SULF1: variants seen among roughly 807,000 people sequenced by gnomAD.
SULF1 encodes the protein extracellular sulfatase Sulf-1.
A neutral mutation model predicts 110.5 loss-of-function variants in SULF1; 46 were observed. The ratio of observed to expected loss-of-function variants is 0.42; its 90% CI spans 0.33 to 0.53. SULF1 has a LOEUF of 0.53. Among genes scored for constraint, SULF1 ranks in the 20% least tolerant of loss-of-function variants. SULF1 has a pLI of 0.12. For missense variants in SULF1, 941 were observed against 1,094.2 expected, an observed-to-expected ratio of 0.86 and a Z score of 1.98; for synonymous variants, 371 against 387.1, an observed-to-expected ratio of 0.96 and a Z score of 0.49.
intron 3 of SULF1, among the ~76,000 whole-genome samples, chr8:69,510,035 A>G (rs1811448947): frequency 1.3e-5 from 2 of 152,218 alleles, no homozygotes; most frequent in South Asian, 4.1e-4. Flanking sequence ...TGACTATAAA[A>G]ACATTGATTT....
chr8:69,544,082 A>T (rs1814058661), intron 3 of SULF1, among the ~76,000 whole-genome samples: 1 of 152,224 alleles, frequency 6.6e-6, no homozygotes, highest in African/African-American at 2.4e-5. Context: ...TTCGATTTAC[A>T]CATTCATGTT....
chr8:69,605,745 C>T lies in SULF1; in HGVS notation c.1377+813C>T, dbSNP rs187135613. On this transcript the variant is annotated intron_variant, in intron 13 of 22. Transcript: ENST00000402687. ...AAATCATTGCAGCTGAGAACAAAAT[C>T]AGAGGAAAGTGAAAAATACTAACAC... Among the ~76,000 whole-genome samples the T allele has an allele frequency of 2.6e-5, 4 of 152,274 alleles. No individual in the cohort carries two copies. In the East Asian group the frequency reaches 7.7e-4, roughly 29 times the overall value.
chr8:69,624,275 CT>C (rs1809831159), intron 15 of SULF1, 78 bp downstream of exon 15: 1 of 1,504,424 alleles, frequency 6.6e-7, no homozygotes, highest in South Asian at 1.4e-5. Flanking sequence ...CCATTTTGCA[CT>C]TGGCAAAAAA....
At chr8:69,566,588 C>T (rs1053387503) in intron 5 of SULF1, among the ~76,000 whole-genome samples, 14 of 152,182 alleles carry the variant, frequency 9.2e-5, no homozygotes, top group Admixed American at 3.9e-4. Flanking sequence ...TGGTCATTCT[C>T]GCCTATAATC....
chr8:69,656,826 G>T (rs1812771068), intron 22 of SULF1, among the ~76,000 whole-genome samples: 1 of 152,130 alleles, frequency 6.6e-6, no homozygotes. Flanking sequence ...ATATTCCTTT[G>T]AGTACATATC....
At chr8:69,642,234 T>C in intron 22 of SULF1, 1 of 987,222 alleles carries the variant, frequency 1.0e-6, no homozygotes, top group Non-Finnish European at 1.2e-6. Context: ...AATGTTGCTG[T>C]TCCTGGTACC....
At chr8:69,481,229 G>A (rs1809510196) in intron 1 of SULF1, among the ~76,000 whole-genome samples, 1 of 152,054 alleles carries the variant, frequency 6.6e-6, no homozygotes, top group Non-Finnish European at 1.5e-5. Flanking sequence ...TGGAAAATGT[G>A]ATTGCAAATC....
At chr8:69,576,959 GATAA>G (rs1262782290) in intron 6 of SULF1, among the ~76,000 whole-genome samples, 4 of 152,230 alleles carry the variant, frequency 2.6e-5, no homozygotes, top group African/African-American at 9.6e-5. Context: ...AAGGAGTTCA[GATAA>G]ATATTCTCCT....
At chr8:69,567,836 A>G (rs1816009230) in intron 5 of SULF1, among the ~76,000 whole-genome samples, 1 of 152,058 alleles carries the variant, frequency 6.6e-6, no homozygotes, top group South Asian at 2.1e-4. Flanking sequence ...GCTTTTAGTT[A>G]TTTTGGAGCT....
At chr8:69,598,255 C>G (rs931878847) in intron 8 of SULF1, among the ~76,000 whole-genome samples, 11 of 152,116 alleles carry the variant, frequency 7.2e-5, no homozygotes, top group African/African-American at 2.7e-4. Flanking sequence ...TTTTCTAACC[C>G]AAATAATTAC....
At chr8:69,526,859 AAAG>A (rs1183270125) in intron 3 of SULF1, among the ~76,000 whole-genome samples, 1 of 145,134 alleles carries the variant, frequency 6.9e-6, no homozygotes, top group African/African-American at 2.5e-5. Flanking sequence ...GGAAGGAAGG[AAAG>A]AAGGAGGAAG....
chr8:69,596,294 CGTGA>C (rs1386534538), intron 8 of SULF1, among the ~76,000 whole-genome samples: 1 of 152,058 alleles, frequency 6.6e-6, no homozygotes, highest in African/African-American at 2.4e-5. Context: ...GTTAGGCACA[CGTGA>C]CTCTACCTCC....
intron 5 of SULF1, among the ~76,000 whole-genome samples, chr8:69,567,314 A>G (rs901391979): frequency 2.0e-5 from 3 of 152,110 alleles, no homozygotes; most frequent in Non-Finnish European, 2.9e-5. Flanking sequence ...CTTCTAGAAC[A>G]TTATTGCTCT....
At position 69,554,660 on chromosome 8, in the gene SULF1, T is replaced by TAAA. The variant is rs34899318; in HGVS notation, c.-133-8872_-133-8870dup. Among the ~76,000 whole-genome samples the TAAA allele has an allele frequency of 3.8e-3, 574 of 149,590 alleles. 1 individual carries two copies. The highest frequency in any genetic ancestry group is 6.7e-3 in the Non-Finnish European group (451 of 67,444). ...GTATCTCTTGAGTTGTTAGCCTTTC[T>TAAA]AAAAAAAAAGAAAAAGAAAAAAAGA... On this transcript the variant is annotated intron_variant, in intron 3 of 22. Transcript: ENST00000402687.
chr8:69,506,536 G>A (rs1489537194), intron 3 of SULF1, among the ~76,000 whole-genome samples: 2 of 152,192 alleles, frequency 1.3e-5, no homozygotes, highest in Non-Finnish European at 2.9e-5. Context: ...AATTGGATGA[G>A]AAACATTGTG....
intron 21 of SULF1, among the ~76,000 whole-genome samples, chr8:69,639,148 C>T (rs752466860): frequency 6.6e-6 from 1 of 152,172 alleles, no homozygotes; most frequent in Non-Finnish European, 1.5e-5. Flanking sequence ...TGGAAGATGA[C>T]ACGAAAGCGT....
At chr8:69,480,371 A>T (rs2704032) in intron 1 of SULF1, among the ~76,000 whole-genome samples, 44,391 of 152,024 alleles carry the variant, frequency 0.29, 6,685 homozygotes, top group African/African-American at 0.33. Flanking sequence ...TGTCTTCTGG[A>T]TCCCACTTCA....
At chr8:69,579,329 G>C (rs1255323451) in intron 6 of SULF1, among the ~76,000 whole-genome samples, 1 of 151,902 alleles carries the variant, frequency 6.6e-6, no homozygotes, top group East Asian at 1.9e-4. Context: ...TGAGATGGGC[G>C]TATCACCTGA....
chr8:69,563,298 C>T (rs1233253441), intron 3 of SULF1: 1 of 152,134 alleles, frequency 6.6e-6, no homozygotes, highest in East Asian at 1.9e-4. Context: ...AGAGTGTGAG[C>T]AGGGTGATAC....
Sources: gnomAD v4.1 joint callset for allele counts (sites outside exome capture counted in the v4.1 genomes callset) on GRCh38, gnomAD v4.1.1 for gene constraint, MANE v1.5 for transcripts, NCBI Gene and HGNC (gene_info 2026-07-23, HGNC 2026-07-21) for gene names.